The following UBL3 variants were observed in gnomAD, a reference collection of about 807,000 sequenced individuals.
UBL3 encodes ubiquitin like 3.
Under a neutral mutation model 18.4 loss-of-function variants are expected in UBL3, and 6 were observed. That is an observed-to-expected ratio of 0.33 (90% CI 0.18 to 0.64). The LOEUF is 0.64. Among genes scored for constraint, UBL3 ranks in the 30% least tolerant of loss-of-function variants. The pLI is 0.76. For synonymous variants in UBL3, 49 were observed against 46.6 expected (o/e 1.05, Z -0.21); for missense variants, 109 against 142.9 (o/e 0.76, Z 1.21).
intron 1 of UBL3, among the ~76,000 whole-genome samples, chr13:29,813,528 A>G (rs564350850): frequency 6.6e-6 from 1 of 152,218 alleles, no homozygotes; most frequent in East Asian, 1.9e-4. Flanking sequence ...CCAACCACAG[A>G]TTGAAAATAT....
intron 2 of UBL3, among the ~76,000 whole-genome samples, chr13:29,773,573 A>C (rs989793157): frequency 6.6e-6 from 1 of 152,154 alleles, no homozygotes; most frequent in Non-Finnish European, 1.5e-5. Flanking sequence ...ATATTCTAAA[A>C]ATACTTGAAT....
At chr13:29,849,485 C>A in intron 1 of UBL3, 27 bp downstream of exon 1, 1 of 1,614,070 alleles carries the variant, frequency 6.2e-7, no homozygotes, top group South Asian at 1.1e-5. Flanking sequence ...ACAATTAAAT[C>A]AGTGTCATAA....
chr13:29,789,500 T>C (rs1346236723), intron 1 of UBL3, among the ~76,000 whole-genome samples: 1 of 152,232 alleles, frequency 6.6e-6, no homozygotes, highest in African/African-American at 2.4e-5. Context: ...ATTGTTCTAC[T>C]TTCAGCTGAT....
At chr13:29,817,280 C>T (rs1324672793) in intron 1 of UBL3, among the ~76,000 whole-genome samples, 1 of 152,146 alleles carries the variant, frequency 6.6e-6, no homozygotes, top group Non-Finnish European at 1.5e-5. Flanking sequence ...ATGCAACACG[C>T]GTAAGATGAA....
intron 1 of UBL3, among the ~76,000 whole-genome samples, chr13:29,835,089 AATAT>A (rs1163376473): frequency 5.4e-5 from 4 of 74,236 alleles, no homozygotes; most frequent in Non-Finnish European, 7.1e-5. Flanking sequence ...TATAAATATA[AATAT>A]ATATATATAT....
At chr13:29,792,779 T>C (rs1877515846) in intron 1 of UBL3, among the ~76,000 whole-genome samples, 1 of 152,244 alleles carries the variant, frequency 6.6e-6, no homozygotes, top group Admixed American at 6.5e-5. Flanking sequence ...TTTATCAATT[T>C]ACTTAGAATT....
chr13:29,828,999 C>A (rs367783720), intron 1 of UBL3, among the ~76,000 whole-genome samples: 3 of 152,168 alleles, frequency 2.0e-5, no homozygotes, highest in African/African-American at 7.2e-5. Flanking sequence ...GAATATTGCT[C>A]AAAAGCAAAT....
chr13:29,840,083 AAAC>A (rs1412816866), intron 1 of UBL3, among the ~76,000 whole-genome samples: 40 of 438 alleles, frequency 0.091, no homozygotes, highest in African/African-American at 0.23. Flanking sequence ...AAAAAGTTAA[AAAC>A]AACATTTATC....
intron 1 of UBL3, among the ~76,000 whole-genome samples, chr13:29,821,165 A>G (rs992737094): frequency 6.6e-6 from 1 of 152,238 alleles, no homozygotes; most frequent in African/African-American, 2.4e-5. Context: ...ATTAAAAAAT[A>G]ACACAAAGAA....
At chr13:29,825,685 C>G (rs987981895) in intron 1 of UBL3, among the ~76,000 whole-genome samples, 9 of 150,936 alleles carry the variant, frequency 6.0e-5, no homozygotes, top group Middle Eastern at 6.8e-3. Context: ...ATTGAATACC[C>G]TTTCTTTCTC....
At chr13:29,830,952 T>C (rs1300440714) in intron 1 of UBL3, among the ~76,000 whole-genome samples, 1 of 152,204 alleles carries the variant, frequency 6.6e-6, no homozygotes, top group Non-Finnish European at 1.5e-5. Context: ...CCTCACCTCC[T>C]TGCTGTATCT....
intron 1 of UBL3, among the ~76,000 whole-genome samples, chr13:29,796,788 C>T (rs537382704): frequency 6.6e-6 from 1 of 152,168 alleles, no homozygotes; most frequent in Non-Finnish European, 1.5e-5. Flanking sequence ...GGATCTCTAC[C>T]ATGACTTGGT....
rs186487619 is a variant in UBL3 at position 29,787,713 on chromosome 13, T to A, written c.28-10450A>T. ...CAAATTTGAATGAATTCAAAAGTAC[T>A]TTCTCTAGGGCACTGGATTGATTTC... On this transcript the variant is annotated intron_variant, in intron 1 of 4. Coordinates refer to ENST00000380680, the MANE Select transcript of UBL3 (RefSeq NM_007106.4). Among the ~76,000 whole-genome samples, 55 of 152,324 alleles carry A rather than the reference T, an allele frequency of 3.6e-4. 1 individual carries two copies. Among genetic ancestry groups the A allele is most frequent in the African/African-American group, 1.2e-3 (51 of 41,586 alleles).
chr13:29,782,117 A>G (rs1458098871), intron 1 of UBL3, among the ~76,000 whole-genome samples: 4 of 152,220 alleles, frequency 2.6e-5, no homozygotes, highest in Non-Finnish European at 5.9e-5. Context: ...ATATTCATGG[A>G]TCCTTTGAAG....
At chr13:29,794,043 G>A (rs988760414) in intron 1 of UBL3, among the ~76,000 whole-genome samples, 2 of 151,870 alleles carry the variant, frequency 1.3e-5, no homozygotes, top group South Asian at 2.1e-4. Context: ...ATAAGGTTTC[G>A]CCACGTTGGC....
intron 1 of UBL3, among the ~76,000 whole-genome samples, chr13:29,833,430 A>C (rs1878834410): frequency 6.6e-6 from 1 of 152,230 alleles, no homozygotes; most frequent in Non-Finnish European, 1.5e-5. Context: ...TAATGAGACC[A>C]CTTAGATCAC....
chr13:29,826,579 CTTCT>C (rs1456796094), intron 1 of UBL3, among the ~76,000 whole-genome samples: 4 of 151,792 alleles, frequency 2.6e-5, no homozygotes, highest in Non-Finnish European at 5.9e-5. Flanking sequence ...CTATTTGATT[CTTCT>C]TTATTAGTCT....
chr13:29,817,634 CATAG>C (rs1878319527), intron 1 of UBL3, among the ~76,000 whole-genome samples: 1 of 152,108 alleles, frequency 6.6e-6, no homozygotes, highest in Non-Finnish European at 1.5e-5. Flanking sequence ...GCAAAGTAAT[CATAG>C]ATAATTTTTT....
chr13:29,806,138 C>T (rs903682766), intron 1 of UBL3, among the ~76,000 whole-genome samples: 33 of 152,152 alleles, frequency 2.2e-4, no homozygotes, highest in African/African-American at 8.0e-4. Context: ...GATTGCACCA[C>T]TGCACTCCAG....
Sources: allele counts gnomAD v4.1 joint callset (sites outside exome capture counted in the v4.1 genomes callset), GRCh38; gene constraint gnomAD v4.1.1; transcripts MANE v1.5; gene names NCBI Gene and HGNC (gene_info 2026-07-23, HGNC 2026-07-21).